ALDH3A2: variants seen among roughly 807,000 people sequenced by gnomAD.
The protein encoded by ALDH3A2 is aldehyde dehydrogenase 3 family member A2, also known as aldehyde dehydrogenase family 3 member A2.
ALDH3A2 carries 36 observed loss-of-function variants against 51.3 expected under a neutral mutation model. The ratio of observed to expected loss-of-function variants is 0.70; its 90% CI spans 0.54 to 0.93. The LOEUF (loss-of-function observed/expected upper bound fraction) is 0.93. ALDH3A2 is among the 40% of genes least tolerant of loss of function. ALDH3A2 has a pLI of 0.00. For synonymous variants in ALDH3A2, 199 were observed against 219.8 expected (o/e 0.91, Z 0.84); for missense variants, 552 against 603.1 (o/e 0.92, Z 0.89).
chr17:19,657,749 A>G lies in ALDH3A2; in HGVS notation c.685A>G (p.Ile229Val). The change falls in exon 5 of 10, where the codon ATA becomes GTA. Residue 229 changes from isoleucine to valine, a missense_variant. Coordinates refer to ENST00000176643, the MANE Select transcript of ALDH3A2 (RefSeq NM_000382.3). ...TTCTGGATGTTTTCCCCTCAGACGC[A>G]TAACCTGGGGAAAATACATGAATTG... ...DCDLDIVCRR[I>V]TWGKYMNCGQ... is the part of the protein sequence containing the mutation. 6.2e-7 allele frequency: 1 copy of G among 1,609,148 alleles called. No homozygotes were observed. Among genetic ancestry groups the G allele is most frequent in the African/African-American group, 1.3e-5 (1 of 74,942 alleles).
intron 8 of ALDH3A2, among the ~76,000 whole-genome samples, chr17:19,670,722 C>T (rs2085101732): frequency 1.3e-5 from 2 of 152,210 alleles, no homozygotes; most frequent in Admixed American, 1.3e-4. Context: ...GCCACCACGT[C>T]CAACTAATTT....
intron 1 of ALDH3A2, among the ~76,000 whole-genome samples, chr17:19,651,139 G>C (rs1408903970): frequency 6.6e-6 from 1 of 152,198 alleles, no homozygotes; most frequent in African/African-American, 2.4e-5. Context: ...TTATAAACCA[G>C]TGTGTTAAGG....
At chr17:19,653,934 T>C (rs943271442) in intron 3 of ALDH3A2, among the ~76,000 whole-genome samples, 1 of 152,172 alleles carries the variant, frequency 6.6e-6, no homozygotes, top group Non-Finnish European at 1.5e-5. Flanking sequence ...AGAATGCTGA[T>C]TGGTGCATTT....
In ALDH3A2 at chr17:19,673,856, G is replaced by T. The variant is rs558842456; in HGVS notation, c.1444-1702G>T. 5.6e-4 allele frequency among the ~76,000 whole-genome samples: 85 copies of T among 152,314 alleles called. 1 individual carries two copies. Among genetic ancestry groups the T allele is most frequent in the African/African-American group, 2.0e-3 (83 of 41,566 alleles). Reference sequence around the variant, plus strand: ...GAAGTGACTTGCTAGGAATCTAAGAGAAGTGTGCAGAGGCAATGGCTTAGC... The same window carrying T: ...GAAGTGACTTGCTAGGAATCTAAGATAAGTGTGCAGAGGCAATGGCTTAGC... On this transcript the variant is annotated intron_variant, in intron 9 of 9. Coordinates refer to ENST00000176643, the MANE Select transcript of ALDH3A2 (RefSeq NM_000382.3).
intron 3 of ALDH3A2, among the ~76,000 whole-genome samples, chr17:19,653,301 T>A (rs2084843509): frequency 6.6e-6 from 1 of 152,128 alleles, no homozygotes; most frequent in Non-Finnish European, 1.5e-5. Context: ...CAGCTTGGCC[T>A]CCGAAAGTGC....
chr17:19,669,378 C>T (rs931866362), intron 8 of ALDH3A2, among the ~76,000 whole-genome samples: 1 of 152,122 alleles, frequency 6.6e-6, no homozygotes, highest in Non-Finnish European at 1.5e-5. Flanking sequence ...TAATAATTTA[C>T]CTTTTTTTTC....
chr17:19,650,546 C>A (rs956750809), intron 1 of ALDH3A2, among the ~76,000 whole-genome samples: 14 of 151,924 alleles, frequency 9.2e-5, no homozygotes, highest in Non-Finnish European at 1.3e-4. Context: ...CTCCACCTCC[C>A]GGGTTCACAC....
upstream of ALDH3A2, chr17:19,648,279 G>A (rs573750935): frequency 6.6e-6 from 1 of 152,452 alleles, no homozygotes; most frequent in South Asian, 2.1e-4. Flanking sequence ...AGTGCCGGTC[G>A]AGGCAGCTCC....
Position 19,671,708 on chromosome 17 carries a change from C to A in ALDH3A2, c.1208-13C>A. The A allele has an allele frequency of 6.2e-7, 1 of 1,606,198 alleles. No homozygotes were observed. The highest frequency in any genetic ancestry group is 8.5e-7 in the Non-Finnish European group (1 of 1,172,828). On this transcript the variant is annotated splice_polypyrimidine_tract_variant and intron_variant, in intron 8 of 9. Coordinates refer to ENST00000176643, the MANE Select transcript of ALDH3A2 (RefSeq NM_000382.3). ...TACAGTGAAGCTTGTTTTGTCTGTTCCCTTTATTTCAGGTTCCAGTGGGAT... is the reference window on the plus strand; with the variant it reads ...TACAGTGAAGCTTGTTTTGTCTGTTACCTTTATTTCAGGTTCCAGTGGGAT...
Position 19,664,936 on chromosome 17 carries a change from G to A in ALDH3A2, c.1108-12G>A, listed in dbSNP as rs1208380801. On this transcript the variant is annotated splice_polypyrimidine_tract_variant and intron_variant, in intron 7 of 9. Transcript: ENST00000176643. The stretch of plus-strand genomic sequence containing the variant: ...AACTTCACTGACCTGGACACCTTTG[G>A]TCTGTCCTCAGCTCATCAAACGGAT... 6 of 1,609,588 alleles carry A rather than the reference G, an allele frequency of 3.7e-6. No homozygotes were observed. The East Asian group carries it at 1.1e-4, about 30-fold the overall frequency.
Position 19,675,941 on chromosome 17 carries a change from A to G in ALDH3A2, c.*369A>G, listed in dbSNP as rs892030068. 1.2e-5 allele frequency: 4 copies of G among 324,732 alleles called. No individual in the cohort carries two copies. Among genetic ancestry groups the G allele is most frequent in the Non-Finnish European group, 1.8e-5 (3 of 170,868 alleles). The allele number at this position is 324,732 out of a possible 1,614,324, so 20.1% of individuals were successfully genotyped here. ...CTGCTCACTTCCTGCCTCTGCTGCCACCATCACTGTGTGAAGCTTTCAAGA... is the reference window on the plus strand; with the variant it reads ...CTGCTCACTTCCTGCCTCTGCTGCCGCCATCACTGTGTGAAGCTTTCAAGA... On this transcript the variant is annotated 3_prime_UTR_variant, in exon 10 of 10. Coordinates refer to ENST00000176643, the MANE Select transcript of ALDH3A2 (RefSeq NM_000382.3).
chr17:19,661,288 T>C lies in ALDH3A2; in HGVS notation c.940+20T>C. 1 of 1,614,144 alleles carries C rather than the reference T, an allele frequency of 6.2e-7. No homozygotes were observed. The highest frequency in any genetic ancestry group is 8.5e-7 in the Non-Finnish European group (1 of 1,179,994). On this transcript the variant is annotated intron_variant, in intron 6 of 9. Coordinates refer to ENST00000176643, the MANE Select transcript of ALDH3A2 (RefSeq NM_000382.3). ...ACATAGGTAATGGAAATTCTCCTTT[T>C]CCTATGGGAAGATGGCAATTTGGCA...
At position 19,648,979 on chromosome 17, in the gene ALDH3A2, T is replaced by G. The variant is rs928535261; in HGVS notation, c.8T>G (p.Leu3Arg). The G allele has an allele frequency of 5.0e-6, 8 of 1,588,510 alleles. No individual in the cohort carries two copies. The highest frequency in any genetic ancestry group is 6.8e-6 in the Non-Finnish European group (8 of 1,168,490). The change falls in exon 1 of 10, where the codon CTC becomes CGC. Residue 3 changes from leucine to arginine, a missense_variant. By Grantham distance (102) the Leu-to-Arg change is moderately radical. Coordinates refer to ENST00000176643, the MANE Select transcript of ALDH3A2 (RefSeq NM_000382.3). ...TCTCTGCAGGACCAGGCCATGGAGC[T>G]CGAAGTCCGGCGGGTCCGACAGGCG... ME[L>R]EVRRVRQAFL...
intron 1 of ALDH3A2, 109 bp downstream of exon 1, chr17:19,649,233 C>A: frequency 7.2e-7 from 1 of 1,391,554 alleles, no homozygotes; most frequent in Non-Finnish European, 9.7e-7. Flanking sequence ...ATTACTCCAG[C>A]ACTGGGAGTA....
intron 4 of ALDH3A2, among the ~76,000 whole-genome samples, chr17:19,657,222 G>T (rs2084908941): frequency 6.6e-6 from 1 of 152,244 alleles, no homozygotes; most frequent in Non-Finnish European, 1.5e-5. Context: ...CCCTCAGTTA[G>T]TGAATGTTTA....
intron 7 of ALDH3A2, among the ~76,000 whole-genome samples, chr17:19,664,308 G>A (rs1403741310): frequency 6.6e-6 from 1 of 152,208 alleles, no homozygotes; most frequent in East Asian, 1.9e-4. Context: ...TAAGTCAGGT[G>A]TGGAGCACTT....
intron 9 of ALDH3A2, chr17:19,673,124 C>G: frequency 1.9e-6 from 3 of 1,614,044 alleles, no homozygotes; most frequent in Non-Finnish European, 2.5e-6. Context: ...ATACCAGTTG[C>G]ATTTGAAATC....
At chr17:19,657,520 G>A (rs1840805079) in intron 4 of ALDH3A2, among the ~76,000 whole-genome samples, 1 of 152,212 alleles carries the variant, frequency 6.6e-6, no homozygotes, top group African/African-American at 2.4e-5. Flanking sequence ...CCGTGAGCTG[G>A]CCTGAGAACT....
chr17:19,662,977 C>T (rs2084986292), intron 6 of ALDH3A2, among the ~76,000 whole-genome samples: 1 of 152,050 alleles, frequency 6.6e-6, no homozygotes, highest in African/African-American at 2.4e-5. Flanking sequence ...TGCACTCCAG[C>T]CTGGGCAACA....
Sources: gnomAD v4.1 joint callset for allele counts (sites outside exome capture counted in the v4.1 genomes callset) on GRCh38, gnomAD v4.1.1 for gene constraint, MANE v1.5 for transcripts, NCBI Gene and HGNC (gene_info 2026-07-23, HGNC 2026-07-21) for gene names.